The following PDE6C variants were observed in gnomAD, a reference collection of about 807,000 sequenced individuals.
PDE6C encodes the protein cone cGMP-specific 3',5'-cyclic phosphodiesterase subunit alpha'.
PDE6C carries 75 observed loss-of-function variants against 113.1 expected under a neutral mutation model. The observed-to-expected ratio is 0.66, with a 90% CI of 0.55 to 0.80. The LOEUF (loss-of-function observed/expected upper bound fraction) is 0.80, where lower values mean the gene tolerates loss of function less well. Among genes scored for constraint, PDE6C ranks in the 30% least tolerant of loss-of-function variants. PDE6C has a pLI of 0.00. For synonymous variants in PDE6C, 375 were observed against 363.7 expected (o/e 1.03, Z -0.35); for missense variants, 912 against 1,038.6 (o/e 0.88, Z 1.67).
chr10:93,626,052 T>C (rs566515566), intron 5 of PDE6C, among the ~76,000 whole-genome samples: 30 of 152,232 alleles, frequency 2.0e-4, no homozygotes, highest in Middle Eastern at 3.4e-3. Context: ...AACCCCTGTG[T>C]CCATAGCACA....
chr10:93,658,951 CG>C lies in PDE6C; in HGVS notation c.2089del (p.Glu697LysfsTer8). The C allele has an allele frequency of 6.2e-7, 1 of 1,612,980 alleles. No homozygotes were observed. Among genetic ancestry groups the C allele is most frequent in the Non-Finnish European group, 8.5e-7 (1 of 1,179,212 alleles). ...KIVDACEQMQ[T>X]EEEAIKYVTV... ...GTTGATGCCTGTGAACAAATGCAAA[CG>C]GAAGAAGAAGCCATCAAATATGTAA... On this transcript the variant is annotated frameshift_variant, in exon 17 of 22. Coordinates refer to ENST00000371447, the MANE Select transcript of PDE6C (RefSeq NM_006204.4). LOFTEE classifies it high-confidence loss of function.
At chr10:93,628,410 C>G (rs1455754213) in intron 7 of PDE6C, among the ~76,000 whole-genome samples, 1 of 152,082 alleles carries the variant, frequency 6.6e-6, no homozygotes, top group Non-Finnish European at 1.5e-5. Context: ...CATGGTGAAA[C>G]CTTGTCTTTA....
intron 4 of PDE6C, among the ~76,000 whole-genome samples, chr10:93,622,774 AT>A (rs1012305205): frequency 6.6e-6 from 1 of 151,552 alleles, no homozygotes; most frequent in Non-Finnish European, 1.5e-5. Flanking sequence ...TGAAATATGC[AT>A]TTAAGTTTCC....
At position 93,638,925 on chromosome 10, in the gene PDE6C, C is replaced by T. The variant is rs150783329; in HGVS notation, c.1483-1145C>T. Reference sequence around the variant, plus strand: ...TTGTTTTAAATAGCTATATACCATTCGGTGTTGAAATCTGTGTAAATAGAG... The same window carrying T: ...TTGTTTTAAATAGCTATATACCATTTGGTGTTGAAATCTGTGTAAATAGAG... On this transcript the variant is annotated intron_variant, in intron 11 of 21. Coordinates refer to ENST00000371447, the MANE Select transcript of PDE6C (RefSeq NM_006204.4). Among the ~76,000 whole-genome samples, 39 of 152,286 alleles carry T rather than the reference C, an allele frequency of 2.6e-4. No homozygotes were observed. In the East Asian group the frequency reaches 5.8e-3, roughly 23 times the overall value.
At chr10:93,654,767 TTTCTTTCTTTCTTTCTTTCTTTCTTTC>T (rs1181782259) in intron 15 of PDE6C, among the ~76,000 whole-genome samples, 1 of 44,842 alleles carries the variant, frequency 2.2e-5, no homozygotes, top group Non-Finnish European at 4.1e-5. Flanking sequence ...TCTTTCTTTC[TTTCTTTCTTTCTTTCTTTCTTTCTTTC>T]TTTCTTTCTT....
chr10:93,640,589 C>A (rs1655205585), intron 13 of PDE6C, 32 bp downstream of exon 13: 1 of 1,360,530 alleles, frequency 7.4e-7, no homozygotes, highest in Non-Finnish European at 1.1e-6. Context: ...TCCTTGTAAA[C>A]CTGCAGATTT....
chr10:93,633,442 G>A (rs916857393), intron 8 of PDE6C, among the ~76,000 whole-genome samples: 6 of 139,808 alleles, frequency 4.3e-5, no homozygotes, highest in African/African-American at 1.6e-4. Context: ...CTCCAGCCTG[G>A]GTGACACAGT....
intron 15 of PDE6C, among the ~76,000 whole-genome samples, chr10:93,649,853 C>T (rs972212031): frequency 6.6e-6 from 1 of 152,216 alleles, no homozygotes; most frequent in African/African-American, 2.4e-5. Context: ...GATCCACCCA[C>T]CTTGGCCTCC....
intron 21 of PDE6C, among the ~76,000 whole-genome samples, chr10:93,664,369 A>G (rs1217629105): frequency 6.6e-6 from 1 of 152,232 alleles, no homozygotes; most frequent in Non-Finnish European, 1.5e-5. Context: ...AGCTTGGTGC[A>G]ATTGAAAAAT....
At chr10:93,632,417 G>A (rs959712534) in intron 8 of PDE6C, among the ~76,000 whole-genome samples, 1 of 152,146 alleles carries the variant, frequency 6.6e-6, no homozygotes, top group East Asian at 1.9e-4. Context: ...CAATTAAAGT[G>A]GTCCTAATTC....
At chr10:93,627,015 C>A in intron 7 of PDE6C, 144 bp downstream of exon 7, 1 of 723,894 alleles carries the variant, frequency 1.4e-6, no homozygotes. Flanking sequence ...GTAATCCCAG[C>A]ACTTTGGGAG....
chr10:93,626,437 A>G (rs753673951), intron 5 of PDE6C, among the ~76,000 whole-genome samples: 1 of 152,238 alleles, frequency 6.6e-6, no homozygotes, highest in Non-Finnish European at 1.5e-5. Context: ...TAGCCTGTGC[A>G]TGTAGATAAA....
At chr10:93,628,586 A>G (rs1273520622) in intron 7 of PDE6C, among the ~76,000 whole-genome samples, 1 of 152,198 alleles carries the variant, frequency 6.6e-6, no homozygotes, top group Admixed American at 6.5e-5. Flanking sequence ...ACTCCATCTC[A>G]TAAAATATAA....
intron 20 of PDE6C, 32 bp downstream of exon 20, chr10:93,662,675 T>A: frequency 1.0e-6 from 1 of 1,002,426 alleles, no homozygotes; most frequent in Non-Finnish European, 1.6e-6. Flanking sequence ...ATTAAATACA[T>A]AAACATTTGG....
chr10:93,634,954 AAG>A, intron 9 of PDE6C, 47 bp downstream of exon 9: 1 of 1,583,672 alleles, frequency 6.3e-7, no homozygotes, highest in Non-Finnish European at 8.7e-7. Flanking sequence ...TTCACAAAAT[AAG>A]AGAGGGCACG....
rs764148537 is a variant in PDE6C, at chr10:93,655,819, C to G, written c.1995C>G (p.Phe665Leu). The change falls in exon 16 of 22, where the codon TTC (phenylalanine) becomes TTG (leucine). Residue 665 changes from phenylalanine (F) to leucine (L), a missense_variant. Transcript: ENST00000371447. ...AGTTTGAAACAGTTATTCATTTGTT[C>G]GAGGTCGCAATAATAGCAACTGACC... is the stretch of plus-strand genomic sequence containing the variant. ...KRQFETVIHL[F>L]EVAIIATDLA... 1 of 1,608,684 alleles carries G rather than the reference C, an allele frequency of 6.2e-7. No homozygotes were observed. Among genetic ancestry groups the G allele is most frequent in the South Asian group, 1.1e-5 (1 of 90,978 alleles).
chr10:93,658,195 A>AAAAGAAAAAGAAAAGAAAGAAAGAAAG (rs1457924698), intron 16 of PDE6C, among the ~76,000 whole-genome samples: 1 of 142,102 alleles, frequency 7.0e-6, no homozygotes, highest in Non-Finnish European at 1.5e-5. Flanking sequence ...AAAAAAAAGA[A>AAAAGAAAAAGAAAAGAAAGAAAGAAAG]AAAGAAAAAG....
At chr10:93,648,533 A>T (rs2058594976) in intron 15 of PDE6C, among the ~76,000 whole-genome samples, 1 of 152,182 alleles carries the variant, frequency 6.6e-6, no homozygotes, top group African/African-American at 2.4e-5. Context: ...AAATAAGGGA[A>T]ATCCTTGGGA....
chr10:93,622,647 TTTGTTTTTTTTTTTGTTG>T (rs1564796626), intron 4 of PDE6C, among the ~76,000 whole-genome samples: 4 of 13,014 alleles, frequency 3.1e-4, no homozygotes, highest in African/African-American at 3.8e-4. Context: ...AGGTTTTTTT[TTTGTTTTTTTTTTTGTTG>T]TTTTTTTTTT....
Sources: gnomAD v4.1 joint callset for allele counts (sites outside exome capture counted in the v4.1 genomes callset) on GRCh38, gnomAD v4.1.1 for gene constraint, MANE v1.5 for transcripts, NCBI Gene and HGNC (gene_info 2026-07-23, HGNC 2026-07-21) for gene names.